The following DMD variants were observed in gnomAD, a reference collection of about 807,000 sequenced individuals.
DMD encodes dystrophin.
Under a neutral mutation model 330.1 loss-of-function variants are expected in DMD, and 63 were observed. The ratio of observed to expected loss-of-function variants is 0.19; its 90% CI spans 0.16 to 0.24. The LOEUF (loss-of-function observed/expected upper bound fraction) is 0.24. Among genes scored for constraint, DMD ranks in the 10% least tolerant of loss-of-function variants. DMD has a pLI of 1.00. For synonymous variants in DMD, 1,223 were observed against 959.8 expected (o/e 1.27, Z -5.07); for missense variants, 3,344 against 2,684.1 (o/e 1.25, Z -5.43).
chrX:32,214,670 T>G lies in DMD; in HGVS notation c.6438+2246A>C, dbSNP rs188422905. Among the ~76,000 whole-genome samples the G allele has an allele frequency of 2.7e-5, 3 of 111,893 alleles. No individual in the cohort carries two copies. In the East Asian group the frequency reaches 8.4e-4, roughly 31 times the overall value. On this transcript the variant is annotated intron_variant, in intron 44 of 78. Coordinates refer to ENST00000357033, the MANE Select transcript of DMD (RefSeq NM_004006.3). ...CTCAGTAGTGGGGAAAAAGTAGCCC[T>G]AAACTTACACTGTTCTGGTCATAAC...
At chrX:33,216,594 CA>C (rs1360785179) in intron 1 of DMD, among the ~76,000 whole-genome samples, 1 of 111,481 alleles carries the variant, frequency 9.0e-6, no homozygotes, top group Non-Finnish European at 1.9e-5. Context: ...ACCCCCGATT[CA>C]AAATGAAAGT....
intron 43 of DMD, among the ~76,000 whole-genome samples, chrX:32,233,617 T>G (rs183538593): frequency 1.4e-4 from 14 of 99,737 alleles, no homozygotes; most frequent in African/African-American, 5.5e-4. Context: ...ATTTATTTAT[T>G]TATTTATTTA....
chrX:33,103,716 G>A lies in DMD; in HGVS notation c.32-83516C>T, dbSNP rs111581693. 8.9e-3 allele frequency among the ~76,000 whole-genome samples: 995 copies of A among 111,246 alleles called. 13 individuals carry two copies. Among genetic ancestry groups the A allele is most frequent in the African/African-American group, 0.03 (931 of 30,654 alleles). ...TTTGGTGGTCTCTTCACACGGACGC[G>A]ACTGAAATGACCCATTAGAAAAGCA... On this transcript the variant is annotated intron_variant, in intron 1 of 78. Coordinates refer to ENST00000357033, the MANE Select transcript of DMD (RefSeq NM_004006.3).
At chrX:32,575,258 A>G (rs971101069) in intron 13 of DMD, among the ~76,000 whole-genome samples, 3 of 110,961 alleles carry the variant, frequency 2.7e-5, no homozygotes, top group African/African-American at 9.8e-5. Context: ...TTAATCTATC[A>G]CCACTTAAAA....
intron 62 of DMD, among the ~76,000 whole-genome samples, chrX:31,284,825 A>AAC (rs61401043): frequency 0.053 from 4,861 of 91,392 alleles, 121 homozygotes; most frequent in Non-Finnish European, 0.063. Context: ...TAATGGCTTA[A>AAC]ACACACACAC....
Position 32,936,020 on chromosome X carries a change from T to C in DMD, c.93+84119A>G, listed in dbSNP as rs147572719. On this transcript the variant is annotated intron_variant, in intron 2 of 78. Transcript: ENST00000357033. ...AAAAGACCTTATTAAGCTTTTAAAA[T>C]GTTTTAGCACATGTATTCTGTTCTT... Among the ~76,000 whole-genome samples the C allele has an allele frequency of 4.1e-3, 463 of 111,963 alleles. 3 individuals are homozygous for C. Among genetic ancestry groups the C allele is most frequent in the African/African-American group, 0.014 (435 of 30,808 alleles).
intron 7 of DMD, among the ~76,000 whole-genome samples, chrX:32,764,111 CAACT>C (rs1438379083): frequency 9.3e-6 from 1 of 107,296 alleles, no homozygotes; most frequent in Admixed American, 9.9e-5. Flanking sequence ...TTTTTTTTTC[CAACT>C]AAATGGTTAA....
intron 7 of DMD, among the ~76,000 whole-genome samples, chrX:32,795,012 C>T (rs147358335): frequency 0.01 from 1,175 of 111,981 alleles, 11 homozygotes; most frequent in African/African-American, 0.036. Context: ...GAAGAGTACA[C>T]CAACAAATGG....
chrX:31,288,874 GAAT>G (rs1422897316), intron 62 of DMD, among the ~76,000 whole-genome samples: 2 of 111,727 alleles, frequency 1.8e-5, no homozygotes, highest in African/African-American at 6.5e-5. Flanking sequence ...TTCAATAAAT[GAAT>G]AATCATATAA....
intron 67 of DMD, among the ~76,000 whole-genome samples, chrX:31,186,362 G>A (rs1440270880): frequency 1.8e-5 from 2 of 111,922 alleles, no homozygotes; most frequent in African/African-American, 3.2e-5. Context: ...AACATGGATG[G>A]AGCTGGAGGC....
At chrX:33,155,563 G>C (rs1273973634) in intron 1 of DMD, among the ~76,000 whole-genome samples, 1 of 111,188 alleles carries the variant, frequency 9.0e-6, no homozygotes, top group Non-Finnish European at 1.9e-5. Flanking sequence ...TGATCCACCT[G>C]CTTTGGCCTC....
intron 53 of DMD, among the ~76,000 whole-genome samples, chrX:31,659,387 T>C (rs1269736785): frequency 6.3e-5 from 7 of 110,676 alleles, no homozygotes; most frequent in Non-Finnish European, 1.3e-4. Flanking sequence ...ATGCCTGTAA[T>C]CCCAGCACTT....
chrX:33,267,642 A>C (rs2053067888), intron 1 of DMD, among the ~76,000 whole-genome samples: 1 of 111,924 alleles, frequency 8.9e-6, no homozygotes, highest in African/African-American at 3.2e-5. Flanking sequence ...ATCACACTAT[A>C]GAACTTCCAA....
intron 37 of DMD, among the ~76,000 whole-genome samples, chrX:32,352,402 T>C (rs1387709122): frequency 1.8e-5 from 2 of 111,166 alleles, no homozygotes; most frequent in Admixed American, 9.6e-5. Flanking sequence ...AAATTAATTT[T>C]ACTGATTTCA....
chrX:33,124,669 G>C (rs977352923), intron 1 of DMD, among the ~76,000 whole-genome samples: 9 of 109,526 alleles, frequency 8.2e-5, no homozygotes, highest in African/African-American at 3.0e-4. Flanking sequence ...AGGTGTATAG[G>C]AGACCTAGTA....
At chrX:32,896,314 T>C (rs1403268279) in intron 2 of DMD, among the ~76,000 whole-genome samples, 1 of 111,690 alleles carries the variant, frequency 9.0e-6, no homozygotes, top group African/African-American at 3.3e-5. Context: ...ATACAGAAAG[T>C]AAACTGCTTT....
intron 52 of DMD, among the ~76,000 whole-genome samples, chrX:31,697,589 G>T (rs1263102975): frequency 8.9e-6 from 1 of 111,947 alleles, no homozygotes; most frequent in Admixed American, 9.5e-5. Flanking sequence ...CAGTTCAGTT[G>T]ATTGAATACG....
intron 44 of DMD, among the ~76,000 whole-genome samples, chrX:32,136,373 T>C (rs772923662): frequency 1.8e-5 from 2 of 112,395 alleles, no homozygotes; most frequent in African/African-American, 3.2e-5. Context: ...AATATCATTG[T>C]TGTCACTACT....
At chrX:31,207,532 G>A (rs1260372582) in intron 65 of DMD, among the ~76,000 whole-genome samples, 1 of 111,977 alleles carries the variant, frequency 8.9e-6, no homozygotes, top group Non-Finnish European at 1.9e-5. Flanking sequence ...TATACACTAT[G>A]GAATACCATG....
Sources: allele counts gnomAD v4.1 joint callset (sites outside exome capture counted in the v4.1 genomes callset), GRCh38; gene constraint gnomAD v4.1.1; transcripts MANE v1.5; gene names NCBI Gene and HGNC (gene_info 2026-07-23, HGNC 2026-07-21).